Variants in TGFBI observed in about 807,000 individuals in gnomAD.
The protein encoded by TGFBI is transforming growth factor beta induced, also known as transforming growth factor-beta-induced protein ig-h3.
In TGFBI, 50 loss-of-function variants were observed where a neutral mutation model predicts 73.7. That is an observed-to-expected ratio of 0.68 (90% CI 0.54 to 0.86). The LOEUF (loss-of-function observed/expected upper bound fraction) is 0.86, where lower values mean the gene tolerates loss of function less well. TGFBI is among the 40% of genes least tolerant of loss of function. The probability of loss-of-function intolerance (pLI) is 0.00; values close to 1 mark genes in which losing one functional copy is unlikely to be tolerated. For missense variants in TGFBI, 839 were observed against 877.0 expected, an observed-to-expected ratio of 0.96 and a Z score of 0.55; for synonymous variants, 362 against 360.5, an observed-to-expected ratio of 1.00 and a Z score of -0.05.
chr5:136,038,105 G>A (rs190153606), intron 2 of TGFBI, among the ~76,000 whole-genome samples: 191 of 152,246 alleles, frequency 1.3e-3, no homozygotes, highest in African/African-American at 4.2e-3. Context: ...ACCAAACAGC[G>A]GAGATCGACC....
intron 2 of TGFBI, among the ~76,000 whole-genome samples, chr5:136,039,390 G>A (rs1309623490): frequency 6.6e-6 from 1 of 152,212 alleles, no homozygotes; most frequent in Non-Finnish European, 1.5e-5. Flanking sequence ...CTGGCAGTTA[G>A]TGTCAGCGAC....
At chr5:136,061,158 G>T (rs910729284) in intron 14 of TGFBI, 1 of 585,510 alleles carries the variant, frequency 1.7e-6, no homozygotes, top group African/African-American at 1.9e-5. Context: ...GAGTTGCCCA[G>T]CTATATTAGC....
intron 2 of TGFBI, among the ~76,000 whole-genome samples, chr5:136,042,514 T>C (rs1751357060): frequency 2.0e-5 from 3 of 152,186 alleles, no homozygotes; most frequent in African/African-American, 7.2e-5. Flanking sequence ...AGGATGACTT[T>C]AGTTTCTGAA....
chr5:136,060,276 A>C (rs188151087), intron 13 of TGFBI, among the ~76,000 whole-genome samples: 1 of 152,238 alleles, frequency 6.6e-6, no homozygotes, highest in African/African-American at 2.4e-5. Flanking sequence ...TGGATCACAC[A>C]AAAAAGCATT....
chr5:136,040,426 T>C (rs1232459777), intron 2 of TGFBI, among the ~76,000 whole-genome samples: 2 of 152,180 alleles, frequency 1.3e-5, no homozygotes, highest in Non-Finnish European at 2.9e-5. Flanking sequence ...CATTAGATTC[T>C]CATAGCAGTC....
chr5:136,033,460 G>A (rs1751158121), intron 1 of TGFBI, among the ~76,000 whole-genome samples: 1 of 152,208 alleles, frequency 6.6e-6, no homozygotes, highest in Non-Finnish European at 1.5e-5. Context: ...AGCTGCCTGA[G>A]AGATGCTTTT....
At chr5:136,059,324 C>A in intron 13 of TGFBI, 110 bp downstream of exon 13, 2 of 1,433,192 alleles carry the variant, frequency 1.4e-6, no homozygotes, top group South Asian at 1.4e-5. Flanking sequence ...AGTTGCAGCC[C>A]GAATCTCTGA....
At chr5:136,035,163 G>A (rs1487286043) in intron 2 of TGFBI, among the ~76,000 whole-genome samples, 1 of 152,158 alleles carries the variant, frequency 6.6e-6, no homozygotes, top group Non-Finnish European at 1.5e-5. Context: ...CTTGCTCCAT[G>A]CCTGATTGAC....
chr5:136,061,218 G>T, intron 14 of TGFBI: 1 of 571,880 alleles, frequency 1.7e-6, no homozygotes, highest in African/African-American at 1.9e-5. Context: ...TGCTGTCCGC[G>T]CGATTCCCAG....
intron 2 of TGFBI, among the ~76,000 whole-genome samples, chr5:136,041,912 A>G (rs369549341): frequency 6.6e-6 from 1 of 152,236 alleles, no homozygotes; most frequent in East Asian, 1.9e-4. Flanking sequence ...AGCCAACAAT[A>G]TAGAAAAAGA....
At chr5:136,033,654 C>T (rs1751161958) in intron 1 of TGFBI, 109 bp from the exon 2 acceptor site, 1 of 848,656 alleles carries the variant, frequency 1.2e-6, no homozygotes. Context: ...TGACTCTCTC[C>T]TCTATCTCTA....
At chr5:136,043,213 T>C (rs182340023) in intron 2 of TGFBI, among the ~76,000 whole-genome samples, 1 of 152,330 alleles carries the variant, frequency 6.6e-6, no homozygotes, top group East Asian at 1.9e-4. Flanking sequence ...CAAGTCTTTC[T>C]TAGGTGTGGG....
At chr5:136,033,416 C>G (rs779004464) in intron 1 of TGFBI, among the ~76,000 whole-genome samples, 1 of 152,178 alleles carries the variant, frequency 6.6e-6, no homozygotes. Flanking sequence ...AGCCAAGCAG[C>G]TGGTCCAGGC....
At chr5:136,030,692 C>T (rs1751103958) in intron 1 of TGFBI, among the ~76,000 whole-genome samples, 1 of 152,222 alleles carries the variant, frequency 6.6e-6, no homozygotes, top group South Asian at 2.1e-4. Flanking sequence ...TTTATTATCT[C>T]TGCCCACCTC....
chr5:136,040,618 G>A (rs1751312851), intron 2 of TGFBI, among the ~76,000 whole-genome samples: 1 of 152,326 alleles, frequency 6.6e-6, no homozygotes, highest in Non-Finnish European at 1.5e-5. Context: ...GTTGGGGACC[G>A]CTGTCCTAAG....
chr5:136,056,686 G>C lies in TGFBI; in HGVS notation c.1569G>C (p.Gln523His). Residue 523 changes from glutamine (Q) to histidine (H), a missense_variant, in exon 12 of 17, where the codon CAG becomes CAC. Physicochemically the swap from Gln to His is conservative, Grantham distance 24 (BLOSUM62 0). Transcript: ENST00000442011. ...ACAGCATGCTGGTAGCTGCCATCCA[G>C]TCTGCAGGACTGACGGAGACCCTCA... The part of the protein sequence containing the change: ...NRFSMLVAAI[Q>H]SAGLTETLNR... 1 of 1,613,952 alleles carries C rather than the reference G, an allele frequency of 6.2e-7. No individual in the cohort carries two copies. The highest frequency in any genetic ancestry group is 8.5e-7 in the Non-Finnish European group (1 of 1,179,868).
At chr5:136,038,416 T>A (rs1252654102) in intron 2 of TGFBI, among the ~76,000 whole-genome samples, 2 of 152,124 alleles carry the variant, frequency 1.3e-5, no homozygotes, top group Admixed American at 1.3e-4. Flanking sequence ...ATCATCAGGG[T>A]ACTTAAAAGA....
At chr5:136,054,450 A>T (rs1751590774) in intron 9 of TGFBI, among the ~76,000 whole-genome samples, 1 of 152,212 alleles carries the variant, frequency 6.6e-6, no homozygotes, top group African/African-American at 2.4e-5. Context: ...CTGCAGCCCC[A>T]GGAAGGCAGA....
chr5:136,035,865 G>A (rs926821190), intron 2 of TGFBI, among the ~76,000 whole-genome samples: 4 of 152,068 alleles, frequency 2.6e-5, no homozygotes, highest in African/African-American at 7.2e-5. Flanking sequence ...CTCTGAAAAT[G>A]GAGACCCGTT....
Sources: allele counts gnomAD v4.1 joint callset (sites outside exome capture counted in the v4.1 genomes callset), GRCh38; gene constraint gnomAD v4.1.1; transcripts MANE v1.5; gene names NCBI Gene and HGNC (gene_info 2026-07-23, HGNC 2026-07-21).